The following CNTN4 variants were observed in gnomAD, a reference collection of about 807,000 sequenced individuals.
CNTN4 encodes the protein contactin 4.
In CNTN4, 77 loss-of-function variants were observed where a neutral mutation model predicts 122.5. The observed-to-expected ratio is 0.63, with a 90% CI of 0.52 to 0.76. CNTN4 has a LOEUF of 0.76. Among genes scored for constraint, CNTN4 ranks in the 30% least tolerant of loss-of-function variants. CNTN4 has a pLI of 0.00. For missense variants in CNTN4, 1,256 were observed against 1,259.1 expected (o/e 1.00, Z 0.04); for synonymous variants, 512 against 447.0 (o/e 1.15, Z -1.83).
intron 3 of CNTN4, among the ~76,000 whole-genome samples, chr3:2,493,457 A>G (rs1222723190): frequency 2.0e-5 from 3 of 150,060 alleles, no homozygotes; most frequent in Admixed American, 6.7e-5. Context: ...GGCCTCCCTC[A>G]TTTTACAGGG....
intron 3 of CNTN4, among the ~76,000 whole-genome samples, chr3:2,558,978 T>G (rs906274202): frequency 1.3e-5 from 2 of 152,222 alleles, no homozygotes; most frequent in Non-Finnish European, 2.9e-5. Flanking sequence ...AGGCCAGGCC[T>G]GAAATCTGGT....
At chr3:2,583,640 A>T (rs372464324) in intron 4 of CNTN4, among the ~76,000 whole-genome samples, 1 of 152,220 alleles carries the variant, frequency 6.6e-6, no homozygotes, top group African/African-American at 2.4e-5. Flanking sequence ...TTTGTAGAAG[A>T]TATGACTTTT....
intron 15 of CNTN4, among the ~76,000 whole-genome samples, chr3:3,030,490 G>C (rs1167160962): frequency 1.3e-5 from 2 of 152,074 alleles, no homozygotes; most frequent in African/African-American, 4.8e-5. Context: ...TAAAGTATCC[G>C]AACGCCAACC....
chr3:2,681,678 G>A (rs1173217241), intron 4 of CNTN4, among the ~76,000 whole-genome samples: 4 of 151,908 alleles, frequency 2.6e-5, no homozygotes, highest in African/African-American at 9.7e-5. Context: ...TTGTGTGTGT[G>A]TTTGTGTGCA....
chr3:2,965,177 T>C (rs1349307788), intron 13 of CNTN4, among the ~76,000 whole-genome samples: 1 of 152,226 alleles, frequency 6.6e-6, no homozygotes, highest in Non-Finnish European at 1.5e-5. Context: ...ATCACCGTCA[T>C]ACAAAACTTC....
intron 15 of CNTN4, among the ~76,000 whole-genome samples, chr3:3,029,346 T>C (rs1698984221): frequency 6.6e-6 from 1 of 152,226 alleles, no homozygotes; most frequent in Non-Finnish European, 1.5e-5. Context: ...GATAATCTCA[T>C]TTGATTTTCA....
chr3:2,380,647 C>T (rs1365238240), intron 3 of CNTN4, among the ~76,000 whole-genome samples: 1 of 151,942 alleles, frequency 6.6e-6, no homozygotes, highest in East Asian at 1.9e-4. Flanking sequence ...TTGACTATTG[C>T]CAAATTCAGT....
At chr3:2,999,643 C>T (rs758142131) in intron 14 of CNTN4, among the ~76,000 whole-genome samples, 4 of 152,040 alleles carry the variant, frequency 2.6e-5, no homozygotes, top group African/African-American at 4.8e-5. Context: ...TTTGTCCTGA[C>T]ATGGCAGAGA....
At chr3:2,255,495 C>T (rs961402357) in intron 2 of CNTN4, among the ~76,000 whole-genome samples, 1 of 152,142 alleles carries the variant, frequency 6.6e-6, no homozygotes, top group Non-Finnish European at 1.5e-5. Context: ...TTTCTCAGCA[C>T]CACATCGCAC....
chr3:2,965,400 G>A (rs1692206442), intron 13 of CNTN4, among the ~76,000 whole-genome samples: 1 of 152,196 alleles, frequency 6.6e-6, no homozygotes, highest in African/African-American at 2.4e-5. Context: ...CTATGTCTGT[G>A]CTAATGCAAT....
chr3:2,629,088 C>T (rs757393311), intron 4 of CNTN4, among the ~76,000 whole-genome samples: 1 of 152,104 alleles, frequency 6.6e-6, no homozygotes, highest in Non-Finnish European at 1.5e-5. Context: ...TGAATGTCCC[C>T]CCTCAAATTG....
chr3:2,737,210 A>G (rs913469398), intron 5 of CNTN4, among the ~76,000 whole-genome samples: 2 of 152,240 alleles, frequency 1.3e-5, no homozygotes, highest in East Asian at 3.9e-4. Flanking sequence ...CCTCCTGAGT[A>G]GCTGGGATTA....
intron 7 of CNTN4, among the ~76,000 whole-genome samples, chr3:2,865,634 C>T (rs2093715934): frequency 6.6e-6 from 1 of 152,156 alleles, no homozygotes; most frequent in Non-Finnish European, 1.5e-5. Context: ...GTGCCAGTAG[C>T]TAGTATATCA....
At chr3:2,763,964 G>C (rs1232788318) in intron 6 of CNTN4, among the ~76,000 whole-genome samples, 6 of 149,596 alleles carry the variant, frequency 4.0e-5, no homozygotes, top group Non-Finnish European at 7.4e-5. Context: ...GGCTATTCGG[G>C]CTTTTTTTTT....
At chr3:2,546,044 A>G (rs1346780863) in intron 3 of CNTN4, among the ~76,000 whole-genome samples, 5 of 152,146 alleles carry the variant, frequency 3.3e-5, no homozygotes, top group Non-Finnish European at 7.4e-5. Context: ...GCAGGAAAAA[A>G]GGGAATGCTT....
intron 2 of CNTN4, among the ~76,000 whole-genome samples, chr3:2,296,670 C>T (rs1417844298): frequency 6.6e-6 from 1 of 151,674 alleles, no homozygotes; most frequent in Non-Finnish European, 1.5e-5. Flanking sequence ...GCAACACTAA[C>T]TTTGATATTG....
intron 10 of CNTN4, 144 bp downstream of exon 10, chr3:2,887,368 C>T: frequency 1.3e-6 from 1 of 792,232 alleles, no homozygotes; most frequent in South Asian, 1.6e-5. Flanking sequence ...CCATAATCAG[C>T]CCTGGTTGAT....
intron 3 of CNTN4, among the ~76,000 whole-genome samples, chr3:2,553,342 T>C (rs528305191): frequency 6.6e-6 from 1 of 152,278 alleles, no homozygotes; most frequent in South Asian, 2.1e-4. Flanking sequence ...TAGGTATGTT[T>C]TGATGTGCTT....
chr3:2,802,943 G>T (rs574957491), intron 6 of CNTN4, among the ~76,000 whole-genome samples: 1 of 152,256 alleles, frequency 6.6e-6, no homozygotes, highest in African/African-American at 2.4e-5. Context: ...AAGAATGTTA[G>T]CCTTAAAGAA....
Sources: gnomAD v4.1 joint callset for allele counts (sites outside exome capture counted in the v4.1 genomes callset) on GRCh38, gnomAD v4.1.1 for gene constraint, MANE v1.5 for transcripts, NCBI Gene and HGNC (gene_info 2026-07-23, HGNC 2026-07-21) for gene names.